SLC5A4: variants seen among roughly 807,000 people sequenced by gnomAD.
SLC5A4 encodes solute carrier family 5 member 4.
Under a neutral mutation model 70.3 loss-of-function variants are expected in SLC5A4, and 55 were observed. The observed-to-expected ratio is 0.78, with a 90% CI of 0.63 to 0.98. The LOEUF (loss-of-function observed/expected upper bound fraction) is 0.98, where lower values mean the gene tolerates loss of function less well. SLC5A4 is among the 50% of genes least tolerant of loss of function. The pLI is 0.00. For synonymous variants in SLC5A4, 268 were observed against 305.7 expected, an observed-to-expected ratio of 0.88 and a Z score of 1.29; for missense variants, 735 against 839.2, an observed-to-expected ratio of 0.88 and a Z score of 1.53.
the SLC5A4 span, among the ~76,000 whole-genome samples, chr22:32,263,975 C>T: frequency 8.5e-5 from 13 of 152,198 alleles, no homozygotes; most frequent in African/African-American, 2.6e-4. Flanking sequence ...TGCATGTTCT[C>T]GCTCATAAGG....
At chr22:32,336,969 C>T in the SLC5A4 span, among the ~76,000 whole-genome samples, 1 of 152,208 alleles carries the variant, frequency 6.6e-6, no homozygotes, top group Non-Finnish European at 1.5e-5. Flanking sequence ...ATACAATGAA[C>T]ACGGATTGTT....
chr22:32,285,686 A>C, the SLC5A4 span, among the ~76,000 whole-genome samples: 1 of 150,656 alleles, frequency 6.6e-6, no homozygotes, highest in South Asian at 2.1e-4. Flanking sequence ...TTAAGCCTTT[A>C]ATATAAATCT....
At chr22:32,310,889 A>G in the SLC5A4 span, among the ~76,000 whole-genome samples, 1 of 152,198 alleles carries the variant, frequency 6.6e-6, no homozygotes, top group Non-Finnish European at 1.5e-5. Context: ...TGTGACTCAC[A>G]GTGGAGCCCA....
chr22:32,237,708 G>A (rs1926144828), intron 6 of SLC5A4, among the ~76,000 whole-genome samples: 1 of 152,126 alleles, frequency 6.6e-6, no homozygotes, highest in South Asian at 2.1e-4. Flanking sequence ...TCTAGTGCTG[G>A]AACGTATTAT....
At chr22:32,311,025 T>G in the SLC5A4 span, among the ~76,000 whole-genome samples, 1 of 152,218 alleles carries the variant, frequency 6.6e-6, no homozygotes, top group African/African-American at 2.4e-5. Flanking sequence ...CTGTTCCTTC[T>G]GCCTGGAATG....
intron 2 of SLC5A4, among the ~76,000 whole-genome samples, chr22:32,252,756 C>G (rs915264091): frequency 6.6e-6 from 1 of 152,138 alleles, no homozygotes; most frequent in African/African-American, 2.4e-5. Flanking sequence ...CCCAAGCTGG[C>G]TAGGAGGGAG....
the SLC5A4 span, among the ~76,000 whole-genome samples, chr22:32,320,512 C>G: frequency 1.3e-5 from 2 of 152,204 alleles, no homozygotes; most frequent in Middle Eastern, 3.2e-3. Flanking sequence ...AATGGAGAGC[C>G]ATGCAGAGAC....
the SLC5A4 span, chr22:32,270,972 G>A: frequency 1.9e-6 from 1 of 533,986 alleles, no homozygotes. Context: ...GAGCTAGGGG[G>A]CCACAGTGGC....
chr22:32,239,562 A>ATATATT (rs2077269817), intron 5 of SLC5A4, among the ~76,000 whole-genome samples: 1 of 20,510 alleles, frequency 4.9e-5, no homozygotes, highest in Non-Finnish European at 9.6e-5. Context: ...ATATATATAT[A>ATATATT]TATATATTTA....
Position 32,235,053 on chromosome 22 carries a change from C to G in SLC5A4, c.705G>C (p.Lys235Asn). 6.2e-7 allele frequency: 1 copy of G among 1,613,912 alleles called. No individual in the cohort carries two copies. The highest frequency in any genetic ancestry group is 2.2e-5 in the East Asian group (1 of 44,880). ...CTACGGATGGGGTGGCATTCACGTA[C>G]TTCTCGGTAAAGCTCTCATAACCTC... ...EVGGYESFTE[K>N]YVNATPSVVE... Residue 235 changes from lysine (K) to asparagine (N), a missense_variant, in exon 8 of 15, where the codon AAG becomes AAC. Coordinates refer to ENST00000266086, the MANE Select transcript of SLC5A4 (RefSeq NM_014227.3).
At chr22:32,292,415 G>A in the SLC5A4 span, among the ~76,000 whole-genome samples, 1 of 147,402 alleles carries the variant, frequency 6.8e-6, no homozygotes, top group Admixed American at 6.9e-5. Context: ...TTTTTCTAGT[G>A]TATGTGTGTG....
chr22:32,288,017 C>CTT, the SLC5A4 span, among the ~76,000 whole-genome samples: 354 of 96,412 alleles, frequency 3.7e-3, 5 homozygotes, highest in African/African-American at 0.012. Context: ...TTCTTTCTTT[C>CTT]TTTTTTTTTT....
the SLC5A4 span, among the ~76,000 whole-genome samples, chr22:32,320,364 GATTATCCT>G: frequency 6.6e-6 from 1 of 152,142 alleles, no homozygotes; most frequent in South Asian, 2.1e-4. Context: ...CTCACGTAAC[GATTATCCT>G]ACAGACATGC....
At chr22:32,304,545 C>G in the SLC5A4 span, among the ~76,000 whole-genome samples, 1 of 152,216 alleles carries the variant, frequency 6.6e-6, no homozygotes, top group Non-Finnish European at 1.5e-5. Context: ...TCCCAAATAG[C>G]TGGAATGACA....
chr22:32,338,374 C>T, the SLC5A4 span, among the ~76,000 whole-genome samples: 16 of 150,554 alleles, frequency 1.1e-4, no homozygotes, highest in South Asian at 8.5e-4. Flanking sequence ...ACAGGCTGGA[C>T]GCGGTGCCTC....
At chr22:32,272,926 C>G in the SLC5A4 span, 4 of 530,446 alleles carry the variant, frequency 7.5e-6, no homozygotes, top group South Asian at 6.1e-5. Context: ...CCGCACCTTC[C>G]GGATGCTGCG....
At chr22:32,288,793 G>A in the SLC5A4 span, among the ~76,000 whole-genome samples, 5 of 152,080 alleles carry the variant, frequency 3.3e-5, no homozygotes, top group East Asian at 1.9e-4. Context: ...TGATCCGACC[G>A]CCTCAGCCTC....
chr22:32,254,303 A>T, intron 1 of SLC5A4, 90 bp from the exon 2 acceptor site: 1 of 843,912 alleles, frequency 1.2e-6, no homozygotes, highest in Non-Finnish European at 2.1e-6. Flanking sequence ...GAGAGGGGTG[A>T]CTTCAGCACT....
chr22:32,353,452 A>T, the SLC5A4 span, among the ~76,000 whole-genome samples: 10 of 152,136 alleles, frequency 6.6e-5, no homozygotes, highest in East Asian at 1.2e-3. Context: ...TGTGCTCAGG[A>T]TCCCCGCGGA....
Sources: allele counts gnomAD v4.1 joint callset (sites outside exome capture counted in the v4.1 genomes callset), GRCh38; gene constraint gnomAD v4.1.1; transcripts MANE v1.5; gene names NCBI Gene and HGNC (gene_info 2026-07-23, HGNC 2026-07-21).